SLC2A9: variants seen among roughly 807,000 people sequenced by gnomAD.
SLC2A9 encodes the protein solute carrier family 2 member 9, also known as solute carrier family 2, facilitated glucose transporter member 9.
Under a neutral mutation model 50.6 loss-of-function variants are expected in SLC2A9, and 39 were observed. The ratio of observed to expected loss-of-function variants is 0.77; its 90% CI spans 0.60 to 1.01. The LOEUF is 1.01. Among genes scored for constraint, SLC2A9 ranks in the 50% least tolerant of loss-of-function variants. The pLI is 0.00. For missense variants in SLC2A9, 686 were observed against 677.6 expected, an observed-to-expected ratio of 1.01 and a Z score of -0.14; for synonymous variants, 324 against 276.9, an observed-to-expected ratio of 1.17 and a Z score of -1.69.
chr4:9,784,345 A>G (rs1009144888), intron 3 of SLC2A9, among the ~76,000 whole-genome samples: 1 of 152,214 alleles, frequency 6.6e-6, no homozygotes, highest in Non-Finnish European at 1.5e-5. Context: ...ATTCCTAGAC[A>G]GATGCGATCA....
intron 2 of SLC2A9, among the ~76,000 whole-genome samples, chr4:10,002,996 G>T (rs1352220576): frequency 2.0e-5 from 3 of 152,210 alleles, no homozygotes; most frequent in African/African-American, 4.8e-5. Flanking sequence ...ATTGCTAAGC[G>T]CAAGGATTAG....
intron 6 of SLC2A9, among the ~76,000 whole-genome samples, chr4:9,929,905 G>T (rs1745600395): frequency 6.6e-6 from 1 of 152,134 alleles, no homozygotes. Context: ...GCCTCTTCCT[G>T]GCTGCAGACA....
chr4:9,954,948 G>C (rs755306950), intron 5 of SLC2A9, among the ~76,000 whole-genome samples: 6 of 152,198 alleles, frequency 3.9e-5, no homozygotes, highest in Non-Finnish European at 8.8e-5. Flanking sequence ...GATCTCAGGA[G>C]TTGGGCGAGT....
At chr4:9,918,143 T>C (rs144291559) in intron 7 of SLC2A9, among the ~76,000 whole-genome samples, 2 of 152,306 alleles carry the variant, frequency 1.3e-5, no homozygotes, top group African/African-American at 4.8e-5. Context: ...AACACAGAGA[T>C]GCCTGGCAGT....
chr4:9,830,933 C>G (rs1560164233), intron 11 of SLC2A9, among the ~76,000 whole-genome samples: 1 of 152,160 alleles, frequency 6.6e-6, no homozygotes, highest in East Asian at 1.9e-4. Context: ...TAAGGATTTT[C>G]CCTGTTTTAC....
intron 5 of SLC2A9, among the ~76,000 whole-genome samples, chr4:9,958,886 GA>G (rs11338280): frequency 0.48 from 73,350 of 151,734 alleles, 19,070 homozygotes; most frequent in African/African-American, 0.67. Context: ...TGGAGAATTT[GA>G]AAAAAATTAA....
upstream of SLC2A9, chr4:10,025,944 C>A (rs200503549): frequency 6.2e-7 from 1 of 1,613,848 alleles, no homozygotes; most frequent in African/African-American, 1.3e-5. Flanking sequence ...ATCTTCTCCT[C>A]GGTCCTTTTT....
intron 3 of SLC2A9, among the ~76,000 whole-genome samples, chr4:9,993,434 G>A (rs1276368311): frequency 6.6e-6 from 1 of 152,136 alleles, no homozygotes; most frequent in African/African-American, 2.4e-5. Flanking sequence ...AACAAAGGCT[G>A]GGCGAAGAGT....
At chr4:9,781,753 G>A in intron 3 of SLC2A9, 1 of 377,658 alleles carries the variant, frequency 2.6e-6, no homozygotes, top group Non-Finnish European at 4.7e-6. Context: ...ACAGACTCCC[G>A]AGAACAGCCC....
At chr4:9,991,237 C>T (rs1757664467) in intron 3 of SLC2A9, among the ~76,000 whole-genome samples, 1 of 152,212 alleles carries the variant, frequency 6.6e-6, no homozygotes, top group African/African-American at 2.4e-5. Context: ...AAGAGCCCTT[C>T]CTCCACAAGC....
chr4:9,924,990 C>T (rs1039508218), intron 6 of SLC2A9, among the ~76,000 whole-genome samples: 3 of 152,206 alleles, frequency 2.0e-5, no homozygotes, highest in Non-Finnish European at 2.9e-5. Flanking sequence ...GCACACAAAT[C>T]TGTGCTGTCT....
At chr4:9,982,629 G>C (rs1027804467) in intron 4 of SLC2A9, among the ~76,000 whole-genome samples, 2 of 152,194 alleles carry the variant, frequency 1.3e-5, no homozygotes, top group African/African-American at 4.8e-5. Context: ...GCCAAACAGA[G>C]AATCTCAGTT....
rs79695094 is a variant in SLC2A9 at position 10,006,300 on chromosome 4, C to T, written c.250-9359G>A. 9.0e-3 allele frequency among the ~76,000 whole-genome samples: 1,374 copies of T among 152,270 alleles called. 17 individuals are homozygous for T. Among genetic ancestry groups the T allele is most frequent in the African/African-American group, 0.032 (1,319 of 41,538 alleles). ...TAGCCCGTTTAACAATATTAATGTG[C>T]CTTACTGATTCACACAGAGCCTCCC... is the stretch of plus-strand genomic sequence containing the variant. On this transcript the variant is annotated intron_variant, in intron 2 of 11. Coordinates refer to ENST00000264784, the MANE Select transcript of SLC2A9 (RefSeq NM_020041.3).
At chr4:9,848,580 T>G (rs978915537) in intron 10 of SLC2A9, among the ~76,000 whole-genome samples, 3 of 152,176 alleles carry the variant, frequency 2.0e-5, no homozygotes, top group Non-Finnish European at 4.4e-5. Context: ...TTTCTCCCTG[T>G]TGCTTGCCCC....
chr4:9,911,480 T>G (rs575783844), intron 7 of SLC2A9, among the ~76,000 whole-genome samples: 2 of 152,228 alleles, frequency 1.3e-5, no homozygotes, highest in Admixed American at 1.3e-4. Flanking sequence ...AACTTAAGAG[T>G]GCATCCTGCC....
intron 11 of SLC2A9, among the ~76,000 whole-genome samples, chr4:9,831,838 C>G (rs1269436977): frequency 6.6e-6 from 1 of 152,148 alleles, no homozygotes; most frequent in African/African-American, 2.4e-5. Flanking sequence ...TTGCACCTGC[C>G]TACGGCCCCC....
At chr4:9,925,092 T>C (rs1001728582) in intron 6 of SLC2A9, among the ~76,000 whole-genome samples, 4 of 152,022 alleles carry the variant, frequency 2.6e-5, no homozygotes, top group Non-Finnish European at 4.4e-5. Flanking sequence ...TCCCCCCATC[T>C]CTCTTGGCTG....
At chr4:9,927,150 C>A (rs1028570503) in intron 6 of SLC2A9, among the ~76,000 whole-genome samples, 2 of 151,968 alleles carry the variant, frequency 1.3e-5, no homozygotes, top group African/African-American at 4.8e-5. Context: ...CTGCCTCAGC[C>A]TCCCAAGTAG....
intron 11 of SLC2A9, among the ~76,000 whole-genome samples, chr4:9,830,765 G>T (rs148352315): frequency 6.6e-6 from 1 of 152,104 alleles, no homozygotes; most frequent in Non-Finnish European, 1.5e-5. Flanking sequence ...AGTGTTTTTC[G>T]CAGGCTTTAT....
Sources: gnomAD v4.1 joint callset for allele counts (sites outside exome capture counted in the v4.1 genomes callset) on GRCh38, gnomAD v4.1.1 for gene constraint, MANE v1.5 for transcripts, NCBI Gene and HGNC (gene_info 2026-07-23, HGNC 2026-07-21) for gene names.